The following FYB1 variants were observed in gnomAD, a reference collection of about 807,000 sequenced individuals.
The protein encoded by FYB1 is FYN binding protein 1.
In FYB1, 41 loss-of-function variants were observed where a neutral mutation model predicts 94.1. That is an observed-to-expected ratio of 0.44 (90% confidence interval 0.34 to 0.57). The LOEUF (loss-of-function observed/expected upper bound fraction) is 0.57, where lower values mean the gene tolerates loss of function less well. Ranked by LOEUF, FYB1 falls within the 20% of genes least tolerant of loss-of-function variation. The pLI is 0.02. For synonymous variants in FYB1, 367 were observed against 353.2 expected (o/e 1.04, Z -0.44); for missense variants, 1,050 against 976.8 (o/e 1.07, Z -1.00).
intron 1 of FYB1, among the ~76,000 whole-genome samples, chr5:39,211,786 C>T (rs1246902855): frequency 2.6e-5 from 4 of 152,136 alleles, no homozygotes; most frequent in African/African-American, 9.7e-5. Context: ...TCCCAACAAA[C>T]ACGAAAACAT....
intron 2 of FYB1, among the ~76,000 whole-genome samples, chr5:39,165,847 CA>C (rs1580436356): frequency 6.6e-6 from 1 of 152,146 alleles, no homozygotes; most frequent in Non-Finnish European, 1.5e-5. Flanking sequence ...AAAGAAGACA[CA>C]CATGTGGCCA....
At chr5:39,260,378 T>C (rs1752160497) in intron 1 of FYB1, among the ~76,000 whole-genome samples, 1 of 152,300 alleles carries the variant, frequency 6.6e-6, no homozygotes, top group Non-Finnish European at 1.5e-5. Context: ...TCAATAGCTG[T>C]GACAGATGTG....
intron 12 of FYB1, 30 bp downstream of exon 12, chr5:39,125,968 G>A: frequency 6.2e-7 from 1 of 1,601,956 alleles, no homozygotes; most frequent in Non-Finnish European, 8.5e-7. Flanking sequence ...TGTAGTTATT[G>A]TACACTGGAT....
intron 1 of FYB1, among the ~76,000 whole-genome samples, chr5:39,235,278 CT>C (rs112698280): frequency 2.9e-4 from 42 of 145,984 alleles, no homozygotes; most frequent in Admixed American, 5.5e-4. Flanking sequence ...CAAGGATCAG[CT>C]TTTTTTTTTT....
At chr5:39,131,165 TCTTA>T (rs1272712212) in intron 9 of FYB1, among the ~76,000 whole-genome samples, 3 of 152,316 alleles carry the variant, frequency 2.0e-5, no homozygotes, top group Middle Eastern at 3.4e-3. Flanking sequence ...TGCCTGTGTT[TCTTA>T]CTTACTTTCA....
chr5:39,178,671 T>C (rs890327318), intron 2 of FYB1, among the ~76,000 whole-genome samples: 2 of 152,076 alleles, frequency 1.3e-5, no homozygotes, highest in African/African-American at 2.4e-5. Flanking sequence ...AGGTTTTTTT[T>C]AACTGCAACA....
intron 1 of FYB1, chr5:39,270,716 G>GA: frequency 1.6e-6 from 1 of 610,834 alleles, no homozygotes; most frequent in Non-Finnish European, 2.7e-6. Context: ...ATTGATATGT[G>GA]AGGCTACATT....
rs1275900420 is a variant in FYB1 at position 39,134,216 on chromosome 5, A to G, written c.1809T>C (p.Asp603=). The G allele has an allele frequency of 1.9e-6, 3 of 1,609,412 alleles. No individual in the cohort carries two copies. The highest frequency in any genetic ancestry group is 2.6e-6 in the Non-Finnish European group (3 of 1,176,424). The part of the protein sequence containing the change: ...EVYDDVAEQD[D]ISSHSQSGSG... Reference sequence around the variant, plus strand: ...TACGTACTTGCACATACCTGCTAATATCATCCTGCTCTGCAACATCATCAT... The same window carrying G: ...TACGTACTTGCACATACCTGCTAATGTCATCCTGCTCTGCAACATCATCAT... The change falls in exon 9 of 19, where the codon GAT becomes GAC. Residue 603 remains aspartate (D), a synonymous_variant. Transcript: ENST00000512982.
Position 39,107,479 on chromosome 5 carries a change from A to G in FYB1, c.2468-14T>C, listed in dbSNP as rs1343615548. On this transcript the variant is annotated splice_polypyrimidine_tract_variant and intron_variant, in intron 18 of 18. Transcript: ENST00000512982. ...CATAGATGCAGCCTGAAAGGAAAAA[A>G]TACAAATTTAAATATAGTTATTAAA... The G allele has an allele frequency of 1.3e-6, 2 of 1,503,966 alleles. No homozygotes were observed. Among genetic ancestry groups the G allele is most frequent in the Admixed American group, 2.1e-5 (1 of 48,518 alleles). The allele number at this position is 1,503,966 out of a possible 1,614,324, so 93.2% of individuals were successfully genotyped here.
intron 1 of FYB1, among the ~76,000 whole-genome samples, chr5:39,232,674 G>A (rs914098246): frequency 3.3e-5 from 5 of 150,608 alleles, no homozygotes; most frequent in African/African-American, 9.8e-5. Context: ...CCACTAACTC[G>A]TCATCTAGCA....
At chr5:39,141,042 C>T (rs2150331861) in intron 4 of FYB1, 53 bp downstream of exon 4, 1 of 1,296,706 alleles carries the variant, frequency 7.7e-7, no homozygotes, top group African/African-American at 1.5e-5. Context: ...ATAGCTCAAA[C>T]TTCTGTACCT....
At chr5:39,191,639 A>G (rs1380418553) in intron 2 of FYB1, among the ~76,000 whole-genome samples, 1 of 152,166 alleles carries the variant, frequency 6.6e-6, no homozygotes, top group Non-Finnish European at 1.5e-5. Flanking sequence ...AAAGAGACAT[A>G]TTTCTTATCT....
At chr5:39,266,717 G>T (rs1487353051) in intron 1 of FYB1, among the ~76,000 whole-genome samples, 1 of 152,156 alleles carries the variant, frequency 6.6e-6, no homozygotes, top group African/African-American at 2.4e-5. Context: ...CTGGGATAAA[G>T]AACCACAAAG....
intron 3 of FYB1, among the ~76,000 whole-genome samples, chr5:39,148,418 T>TTTTTTTA (rs1561176307): frequency 8.7e-6 from 1 of 114,926 alleles, no homozygotes; most frequent in Non-Finnish European, 1.8e-5. Context: ...TTTTTTTTTT[T>TTTTTTTA]AAAGAAGGAG....
intron 17 of FYB1, 129 bp downstream of exon 17, chr5:39,110,227 G>A (rs1290573615): frequency 5.3e-6 from 3 of 567,860 alleles, no homozygotes; most frequent in African/African-American, 1.9e-5. Context: ...CGTTAGTATA[G>A]CATATTGTTT....
intron 7 of FYB1, among the ~76,000 whole-genome samples, chr5:39,135,352 T>C (rs530632804): frequency 1.3e-5 from 2 of 152,372 alleles, no homozygotes; most frequent in South Asian, 4.1e-4. Context: ...CTGTGTGCTA[T>C]GTATCTTTAT....
chr5:39,241,696 G>A (rs1033390626), intron 1 of FYB1, among the ~76,000 whole-genome samples: 2 of 152,158 alleles, frequency 1.3e-5, no homozygotes, highest in Admixed American at 1.3e-4. Context: ...ACAACCGTAA[G>A]AGGTGCCATG....
At chr5:39,218,998 A>G (rs904094260) in intron 1 of FYB1, among the ~76,000 whole-genome samples, 3 of 152,208 alleles carry the variant, frequency 2.0e-5, no homozygotes, top group African/African-American at 2.4e-5. Flanking sequence ...ACCTCCTGCC[A>G]GGTTTGGAGG....
intron 2 of FYB1, among the ~76,000 whole-genome samples, chr5:39,180,789 C>A (rs1339520130): frequency 1.3e-5 from 2 of 152,130 alleles, no homozygotes; most frequent in African/African-American, 2.4e-5. Flanking sequence ...CCAGCTTCTA[C>A]CCTATTTATA....
Sources: gnomAD v4.1 joint callset for allele counts (sites outside exome capture counted in the v4.1 genomes callset) on GRCh38, gnomAD v4.1.1 for gene constraint, MANE v1.5 for transcripts, NCBI Gene and HGNC (gene_info 2026-07-23, HGNC 2026-07-21) for gene names.